CNNM2: variants seen among roughly 807,000 people sequenced by gnomAD.
CNNM2 encodes cyclin and CBS domain divalent metal cation transport mediator 2, also known as metal transporter CNNM2.
In CNNM2, 12 loss-of-function variants were observed where a neutral mutation model predicts 66.9. That is an observed-to-expected ratio of 0.18 (90% CI 0.11 to 0.29). CNNM2 has a LOEUF of 0.29. Ranked by LOEUF, CNNM2 falls within the 10% of genes least tolerant of loss-of-function variation. The probability of loss-of-function intolerance (pLI) is 1.00; values close to 1 mark genes in which losing one functional copy is unlikely to be tolerated. For synonymous variants in CNNM2, 557 were observed against 501.8 expected, an observed-to-expected ratio of 1.11 and a Z score of -1.47; for missense variants, 705 against 1,167.7, an observed-to-expected ratio of 0.60 and a Z score of 5.77.
intron 1 of CNNM2, among the ~76,000 whole-genome samples, chr10:103,049,420 T>G (rs957624941): frequency 6.6e-6 from 1 of 152,190 alleles, no homozygotes; most frequent in African/African-American, 2.4e-5. Flanking sequence ...TAGGTGGCAG[T>G]TGCCGAAAGG....
At chr10:102,995,146 CTCCTCCCCCTCT>C (rs1255987401) in intron 1 of CNNM2, among the ~76,000 whole-genome samples, 1 of 140,116 alleles carries the variant, frequency 7.1e-6, no homozygotes, top group Non-Finnish European at 1.6e-5. Context: ...CTTATTCTTC[CTCCTCCCCCTCT>C]TCCTCCTCCT....
At chr10:103,024,742 T>G (rs1042671841) in intron 1 of CNNM2, among the ~76,000 whole-genome samples, 3 of 152,068 alleles carry the variant, frequency 2.0e-5, no homozygotes, top group Admixed American at 6.5e-5. Flanking sequence ...CCTCCCAAAT[T>G]GCTGGGATTA....
chr10:103,069,901 G>A (rs1006265197), intron 5 of CNNM2, among the ~76,000 whole-genome samples: 5 of 152,240 alleles, frequency 3.3e-5, no homozygotes, highest in African/African-American at 1.2e-4. Context: ...TGAAAGCCAG[G>A]CTTCCAAGGG....
chr10:103,070,020 C>T lies in CNNM2; in HGVS notation c.2167+1298C>T, dbSNP rs193007765. ...TGTTTCAGTTAGAAAGTCACTGAGA[C>T]GTCAAGAATTCTGTCGTATTTCTAA... On this transcript the variant is annotated intron_variant, in intron 5 of 7. Transcript: ENST00000369878. Among the ~76,000 whole-genome samples the T allele has an allele frequency of 9.2e-5, 14 of 152,284 alleles. No homozygotes were observed. The East Asian group carries it at 2.3e-3, about 25-fold the overall frequency.
chr10:103,018,377 C>T (rs1328674498), intron 1 of CNNM2, among the ~76,000 whole-genome samples: 4 of 152,072 alleles, frequency 2.6e-5, no homozygotes, highest in Non-Finnish European at 5.9e-5. Flanking sequence ...GTGTGATATG[C>T]TTGGTAGACA....
intron 4 of CNNM2, among the ~76,000 whole-genome samples, chr10:103,059,099 A>G (rs535746393): frequency 6.6e-6 from 1 of 152,148 alleles, no homozygotes; most frequent in South Asian, 2.1e-4. Context: ...TCAGGCTCCC[A>G]AGTAGTTGGG....
chr10:102,920,310 G>A (rs150330522), intron 1 of CNNM2, among the ~76,000 whole-genome samples: 98 of 152,280 alleles, frequency 6.4e-4, no homozygotes, highest in African/African-American at 2.2e-3. Context: ...GCACAAGACT[G>A]CCATCACTTA....
intron 1 of CNNM2, among the ~76,000 whole-genome samples, chr10:102,995,804 A>G (rs1327560128): frequency 6.6e-6 from 1 of 151,492 alleles, no homozygotes. Context: ...TCGGCTCACC[A>G]CAACCTCCGC....
At chr10:103,075,711 GC>G (rs1409621667) in intron 6 of CNNM2, among the ~76,000 whole-genome samples, 1 of 152,216 alleles carries the variant, frequency 6.6e-6, no homozygotes, top group Admixed American at 6.5e-5. Context: ...GCTGTCCTCT[GC>G]GTAGCCTACC....
At chr10:102,989,612 G>C (rs1047214872) in intron 1 of CNNM2, among the ~76,000 whole-genome samples, 2 of 151,914 alleles carry the variant, frequency 1.3e-5, no homozygotes, top group African/African-American at 4.8e-5. Flanking sequence ...AGACCAGCCT[G>C]GCCAACATGG....
At chr10:102,987,198 A>G (rs1269757825) in intron 1 of CNNM2, among the ~76,000 whole-genome samples, 1 of 152,230 alleles carries the variant, frequency 6.6e-6, no homozygotes, top group Non-Finnish European at 1.5e-5. Context: ...TTAGAGAACC[A>G]TAAAGAAAAT....
At chr10:103,028,596 A>C (rs1187880659) in intron 1 of CNNM2, among the ~76,000 whole-genome samples, 1 of 152,172 alleles carries the variant, frequency 6.6e-6, no homozygotes, top group African/African-American at 2.4e-5. Context: ...TTTTATGTAC[A>C]AGGCCTTAGA....
chr10:102,949,747 G>A lies in CNNM2; in HGVS notation c.1621+29646G>A, dbSNP rs1220145345. The stretch of plus-strand genomic sequence containing the variant: ...GGAGGTTGCAGTGAGCCGAGATTGC[G>A]CCACTGTACTCCAGCTTGGGCAACA... On this transcript the variant is annotated intron_variant, in intron 1 of 7. Transcript: ENST00000369878. Among the ~76,000 whole-genome samples the A allele has an allele frequency of 5.3e-5, 8 of 152,080 alleles. No individual in the cohort carries two copies. In the East Asian group the frequency reaches 5.8e-4, roughly 11 times the overall value.
intron 1 of CNNM2, among the ~76,000 whole-genome samples, chr10:102,967,783 C>T (rs1296183816): frequency 2.0e-5 from 3 of 152,118 alleles, no homozygotes; most frequent in African/African-American, 4.8e-5. Flanking sequence ...CCGAGGCGGG[C>T]GGATCACCTG....
chr10:103,031,837 GC>G lies in CNNM2; in HGVS notation c.1622-17869del, dbSNP rs200510190. Among the ~76,000 whole-genome samples, 33,280 of 81,948 alleles carry G rather than the reference GC, an allele frequency of 0.41. 3,822 individuals carry two copies. Among genetic ancestry groups the G allele is most frequent in the East Asian group, 0.56 (1,061 of 1,910 alleles). The allele number at this position is 81,948 out of a possible 152,430, so 53.8% of individuals were successfully genotyped here. ...AGAACTGTCTGCTTAAGTACAAAAT[GC>G]GGGGGGGGCGTGAGGGGATTTATCC... is the stretch of plus-strand genomic sequence containing the variant. On this transcript the variant is annotated intron_variant, in intron 1 of 7. Transcript: ENST00000369878.
intron 2 of CNNM2, among the ~76,000 whole-genome samples, chr10:103,050,446 A>G (rs1485349510): frequency 6.6e-6 from 1 of 151,922 alleles, no homozygotes; most frequent in Non-Finnish European, 1.5e-5. Flanking sequence ...CTAAAGCAGG[A>G]GAATCGCTTG....
At chr10:102,934,431 C>G (rs1432854408) in intron 1 of CNNM2, among the ~76,000 whole-genome samples, 1 of 151,814 alleles carries the variant, frequency 6.6e-6, no homozygotes, top group Non-Finnish European at 1.5e-5. Context: ...CAGGCGCCTG[C>G]CACCACACCT....
At chr10:102,926,831 T>G (rs1215433229) in intron 1 of CNNM2, among the ~76,000 whole-genome samples, 2 of 150,104 alleles carry the variant, frequency 1.3e-5, no homozygotes, top group Non-Finnish European at 3.0e-5. Context: ...TTCTCATGCC[T>G]CAGCTTCCCG....
At chr10:102,927,248 A>C in intron 1 of CNNM2, 1 of 1,511,390 alleles carries the variant, frequency 6.6e-7, no homozygotes. Flanking sequence ...TTGACATATA[A>C]AGAGTACTAT....
Sources: gnomAD v4.1 joint callset for allele counts (sites outside exome capture counted in the v4.1 genomes callset) on GRCh38, gnomAD v4.1.1 for gene constraint, MANE v1.5 for transcripts, NCBI Gene and HGNC (gene_info 2026-07-23, HGNC 2026-07-21) for gene names.